Variants in CREB3L2 observed in about 807,000 individuals in gnomAD.
CREB3L2 encodes cyclic AMP-responsive element-binding protein 3-like protein 2.
A neutral mutation model predicts 57.2 loss-of-function variants in CREB3L2; 23 were observed. That is an observed-to-expected ratio of 0.40 (90% CI 0.29 to 0.57). CREB3L2 has a LOEUF of 0.57. CREB3L2 is among the 20% of genes least tolerant of loss of function. CREB3L2 has a pLI of 0.42. For synonymous variants in CREB3L2, 268 were observed against 265.1 expected, an observed-to-expected ratio of 1.01 and a Z score of -0.11; for missense variants, 628 against 634.7, an observed-to-expected ratio of 0.99 and a Z score of 0.11.
intron 1 of CREB3L2, among the ~76,000 whole-genome samples, chr7:137,936,522 G>T (rs1202165700): frequency 2.0e-5 from 3 of 152,190 alleles, no homozygotes; most frequent in Non-Finnish European, 2.9e-5. Flanking sequence ...CTGATCAGTA[G>T]TTTGTCACCT....
Position 137,908,297 on chromosome 7 carries a change from C to A in CREB3L2, c.723G>T (p.Arg241=). 1 of 1,258,016 alleles carries A rather than the reference C, an allele frequency of 7.9e-7. No individual in the cohort carries two copies. The highest frequency in any genetic ancestry group is 1.0e-6 in the Non-Finnish European group (1 of 992,386). The allele number at this position is 1,258,016 out of a possible 1,614,324, so 77.9% of individuals were successfully genotyped here. A position where few individuals can be genotyped will look rare whatever the true frequency, so the allele number is the denominator to read the frequency against. The change falls in exon 5 of 12, where the codon CGG becomes CGT. Residue 241 remains arginine, a synonymous_variant. Coordinates refer to ENST00000330387, the MANE Select transcript of CREB3L2 (RefSeq NM_194071.4). Reference sequence around the variant, plus strand: ...GGGAGCTGGAGAGGGCGGAGGGGGCCCGGGGTGCAGCTCTGGAGGGGCTGT... The same window carrying A: ...GGGAGCTGGAGAGGGCGGAGGGGGCACGGGGTGCAGCTCTGGAGGGGCTGT... ...QTHSPSRAAP[R]APSALSSSPL... is the part of the protein sequence containing the mutation.
chr7:137,965,603 T>C (rs925526134), intron 1 of CREB3L2, among the ~76,000 whole-genome samples: 1 of 152,188 alleles, frequency 6.6e-6, no homozygotes, highest in Non-Finnish European at 1.5e-5. Flanking sequence ...CAGGAAGCAC[T>C]GATTAAAGTT....
intron 1 of CREB3L2, among the ~76,000 whole-genome samples, chr7:137,981,903 T>C (rs927083124): frequency 2.0e-5 from 3 of 152,118 alleles, no homozygotes; most frequent in Admixed American, 2.0e-4. Flanking sequence ...AGGGCAGCTT[T>C]TGGGGGAAGA....
Position 137,901,435 on chromosome 7 carries a change from G to A in CREB3L2, c.975-13C>T. 1.3e-6 allele frequency: 2 copies of A among 1,570,574 alleles called. No individual in the cohort carries two copies. Among genetic ancestry groups the A allele is most frequent in the Non-Finnish European group, 1.8e-6 (2 of 1,141,104 alleles). Reference sequence around the variant, plus strand: ...ACAAGACTCCACTCTACAAAGGAGGGAGAAAGAAGAAAATTATTATCCATA... The same window carrying A: ...ACAAGACTCCACTCTACAAAGGAGGAAGAAAGAAGAAAATTATTATCCATA... On this transcript the variant is annotated splice_polypyrimidine_tract_variant and intron_variant, in intron 7 of 11. Transcript: ENST00000330387.
chr7:137,880,482 AGTG>A lies in CREB3L2; in HGVS notation c.1554_1556del (p.Thr519del). 2 of 1,612,988 alleles carry A rather than the reference AGTG, an allele frequency of 1.2e-6. No individual in the cohort carries two copies. Among genetic ancestry groups the A allele is most frequent in the African/African-American group, 1.3e-5 (1 of 75,002 alleles). On this transcript the variant is annotated inframe_deletion, in exon 12 of 12. Coordinates refer to ENST00000330387, the MANE Select transcript of CREB3L2 (RefSeq NM_194071.4). The surrounding 1 kb of genome is among the most constrained non-coding windows in gnomAD (Gnocchi z 4.0). ...GGGGGTGCAGGCAGCCTCTTTAGAA[AGTG>A]GTGTTCACTCTTCTGTCGAGTTCTA...
In CREB3L2 at chr7:137,877,634, A is replaced by C. The variant is rs1437227710; in HGVS notation, c.*2842T>G. On this transcript the variant is annotated 3_prime_UTR_variant, in exon 12 of 12. Coordinates refer to ENST00000330387, the MANE Select transcript of CREB3L2 (RefSeq NM_194071.4). ...AAAGGGAAATGGGAAACTTGTTTAC[A>C]TGATGAAAAATATAATTAAGAGATT... 4.4e-6 allele frequency: 1 copy of C among 225,748 alleles called. No individual in the cohort carries two copies. Among genetic ancestry groups the C allele is most frequent in the Non-Finnish European group, 8.8e-6 (1 of 113,530 alleles). 14.0% of individuals were successfully genotyped at this position (225,748 alleles called of 1,614,324 possible). A position where few individuals can be genotyped will look rare whatever the true frequency, so the allele number is the denominator to read the frequency against.
At chr7:137,893,392 A>G (rs557681510) in intron 8 of CREB3L2, among the ~76,000 whole-genome samples, 2 of 152,370 alleles carry the variant, frequency 1.3e-5, no homozygotes, top group African/African-American at 4.8e-5. Context: ...GATAATGCAG[A>G]AATGAAAAGT....
At chr7:137,984,193 C>T (rs1182281108) in intron 1 of CREB3L2, among the ~76,000 whole-genome samples, 3 of 152,206 alleles carry the variant, frequency 2.0e-5, no homozygotes, top group Non-Finnish European at 2.9e-5. Context: ...GTGGTGGACA[C>T]TGCTGCTTGA....
rs58287919 is a variant in CREB3L2 at position 137,946,912 on chromosome 7, TTA to T, written c.103-18548_103-18547del. On this transcript the variant is annotated intron_variant, in intron 1 of 11. Transcript: ENST00000330387. ...GTTATATATATAGTTATATATATAG[TTA>T]TATATATAGTTATATATATAGTTAT... Among the ~76,000 whole-genome samples the T allele has an allele frequency of 1.1e-4, 6 of 52,386 alleles. 1 individual carries two copies. The highest frequency in any genetic ancestry group is 1.6e-3 in the East Asian group (2 of 1,224). The allele number at this position is 52,386 out of a possible 152,430, so 34.4% of individuals were successfully genotyped here.
At chr7:137,997,775 A>T (rs1450451237) in intron 1 of CREB3L2, among the ~76,000 whole-genome samples, 2 of 152,222 alleles carry the variant, frequency 1.3e-5, no homozygotes, top group East Asian at 3.8e-4. Flanking sequence ...ACAAAAGCAC[A>T]GACAATTCCC....
In CREB3L2 at chr7:137,875,565, C is replaced by T. The variant is rs557179614; in HGVS notation, c.*4911G>A. The T allele has an allele frequency of 1.3e-4, 29 of 224,110 alleles. 1 individual carries two copies. In the South Asian group the frequency reaches 5.3e-3, roughly 41 times the overall value. The allele number at this position is 224,110 out of a possible 1,614,324, so 13.9% of individuals were successfully genotyped here. On this transcript the variant is annotated 3_prime_UTR_variant, in exon 12 of 12. Transcript: ENST00000330387. ...TAGGAGATGGACACCTGGGGGACTGCTCCAGCACGAAGGGAAGCGATGAGC... is the reference window on the plus strand; with the variant it reads ...TAGGAGATGGACACCTGGGGGACTGTTCCAGCACGAAGGGAAGCGATGAGC...
At position 137,879,074 on chromosome 7, in the gene CREB3L2, G is replaced by T. The variant is rs1390931284; in HGVS notation, c.*1402C>A. On this transcript the variant is annotated 3_prime_UTR_variant, in exon 12 of 12. Coordinates refer to ENST00000330387, the MANE Select transcript of CREB3L2 (RefSeq NM_194071.4). ...CCAAGCTCGGAAAAAACACTTGAGG[G>T]TTTTCTACATTACACAATAAAAAGG... 4.5e-6 allele frequency: 2 copies of T among 448,698 alleles called. No homozygotes were observed. Among genetic ancestry groups the T allele is most frequent in the East Asian group, 4.1e-5 (1 of 24,478 alleles). 27.8% of individuals were successfully genotyped at this position (448,698 alleles called of 1,614,324 possible). A position where few individuals can be genotyped will look rare whatever the true frequency, so the allele number is the denominator to read the frequency against.
chr7:137,887,165 C>T (rs550551256), intron 8 of CREB3L2, among the ~76,000 whole-genome samples: 8 of 152,280 alleles, frequency 5.3e-5, no homozygotes, highest in Non-Finnish European at 8.8e-5. Context: ...TGTGGGCTTT[C>T]GCAGATAACT....
intron 1 of CREB3L2, among the ~76,000 whole-genome samples, chr7:137,970,569 G>C (rs771525969): frequency 5.2e-5 from 6 of 116,484 alleles, no homozygotes; most frequent in Non-Finnish European, 9.7e-5. Flanking sequence ...GGTCTTCTTC[G>C]ATAAGCCGGA....
intron 1 of CREB3L2, among the ~76,000 whole-genome samples, chr7:137,958,886 C>T (rs144828686): frequency 5.9e-5 from 9 of 152,346 alleles, no homozygotes; most frequent in East Asian, 5.8e-4. Context: ...AATCCTCTGG[C>T]GCCAACACTT....
intron 1 of CREB3L2, among the ~76,000 whole-genome samples, chr7:137,979,728 A>AAACAACAACAAC (rs139819092): frequency 6.6e-6 from 1 of 150,376 alleles, no homozygotes; most frequent in African/African-American, 2.4e-5. Context: ...TCCGTCTCAA[A>AAACAACAACAAC]AACAACAACA....
chr7:137,998,260 G>A (rs890332447), intron 1 of CREB3L2, among the ~76,000 whole-genome samples: 6 of 152,152 alleles, frequency 3.9e-5, no homozygotes, highest in Non-Finnish European at 5.9e-5. Flanking sequence ...CTCAGCCTTG[G>A]GTAACTTGAA....
intron 2 of CREB3L2, among the ~76,000 whole-genome samples, chr7:137,926,854 A>C (rs1273406944): frequency 6.6e-6 from 1 of 152,208 alleles, no homozygotes; most frequent in African/African-American, 2.4e-5. Flanking sequence ...AAAACATAGA[A>C]AATTAAATTT....
intron 8 of CREB3L2, among the ~76,000 whole-genome samples, chr7:137,899,780 AG>A (rs1175721803): frequency 1.3e-5 from 2 of 152,204 alleles, no homozygotes; most frequent in East Asian, 3.8e-4. Context: ...AGAAAATTTC[AG>A]GGGGATCCCA....
Sources: allele counts gnomAD v4.1 joint callset (sites outside exome capture counted in the v4.1 genomes callset), GRCh38; gene constraint gnomAD v4.1.1; non-coding constraint Gnocchi (gnomAD v3.1); transcripts MANE v1.5; gene names NCBI Gene and HGNC (gene_info 2026-07-23, HGNC 2026-07-21).